TENT4B: variants seen among roughly 807,000 people sequenced by gnomAD.
TENT4B encodes the protein PAP associated domain containing 5.
In TENT4B, 10 loss-of-function variants were observed where a neutral mutation model predicts 75.0. The observed-to-expected ratio is 0.13, with a 90% CI of 0.08 to 0.23. TENT4B has a LOEUF of 0.23. Ranked by LOEUF, TENT4B falls within the 10% of genes least tolerant of loss-of-function variation. The pLI, the probability that TENT4B is intolerant of heterozygous loss-of-function variation, is 1.00. For synonymous variants in TENT4B, 350 were observed against 357.7 expected, an observed-to-expected ratio of 0.98 and a Z score of 0.24; for missense variants, 579 against 893.8, an observed-to-expected ratio of 0.65 and a Z score of 4.49.
chr16:50,153,771 C>T lies in TENT4B; in HGVS notation c.150C>T (p.Gly50=). The change falls in exon 1 of 12, where the codon GGC becomes GGT. Residue 50 remains glycine, a synonymous_variant. Coordinates refer to ENST00000561678, the MANE Select transcript of TENT4B (RefSeq NM_001365324.3). ...HSSGGASGGG[G]SSSSSSTATG... ...GCGGCGGCGCGAGCGGCGGCGGCGG[C>T]AGCAGCAGCAGCAGCAGCACGGCCA... 2 of 1,103,474 alleles carry T rather than the reference C, an allele frequency of 1.8e-6. No individual in the cohort carries two copies. Among genetic ancestry groups the T allele is most frequent in the Non-Finnish European group, 2.2e-6 (2 of 903,466 alleles). 68.4% of individuals were successfully genotyped at this position (1,103,474 alleles called of 1,614,324 possible).
rs982934409 is a variant in TENT4B at position 50,229,388 on chromosome 16, G to A, written c.*60G>A. The A allele has an allele frequency of 1.6e-5, 24 of 1,532,596 alleles. No individual in the cohort carries two copies. Among genetic ancestry groups the A allele is most frequent in the Non-Finnish European group, 2.1e-5 (24 of 1,145,302 alleles). 94.9% of individuals were successfully genotyped at this position (1,532,596 alleles called of 1,614,324 possible). ...ATGATCTCATGCTCAGGACAGTTGC[G>A]CAGGGACTCCTGGGAGATATTCAGG... is the stretch of plus-strand genomic sequence containing the variant. On this transcript the variant is annotated 3_prime_UTR_variant, in exon 12 of 12. Transcript: ENST00000561678.
chr16:50,214,950 CT>C (rs1045170383), intron 3 of TENT4B, among the ~76,000 whole-genome samples: 3 of 152,174 alleles, frequency 2.0e-5, no homozygotes, highest in Admixed American at 2.0e-4. Context: ...CTCACTCACT[CT>C]TACACTCACC....
chr16:50,223,866 CTT>C (rs1196016668), intron 7 of TENT4B, among the ~76,000 whole-genome samples: 2 of 152,170 alleles, frequency 1.3e-5, no homozygotes, highest in Non-Finnish European at 2.9e-5. Context: ...TTGCATGTCT[CTT>C]TGTGCTTTTT....
chr16:50,208,034 G>A (rs1305400628), intron 1 of TENT4B, among the ~76,000 whole-genome samples: 2 of 152,204 alleles, frequency 1.3e-5, no homozygotes, highest in African/African-American at 4.8e-5. Context: ...CACGTAGCTA[G>A]TTACATATAG....
At chr16:50,168,531 C>T (rs991253300) in intron 1 of TENT4B, among the ~76,000 whole-genome samples, 1 of 147,974 alleles carries the variant, frequency 6.8e-6, no homozygotes, top group African/African-American at 2.5e-5. Context: ...CCAGACTGGT[C>T]TCAAACTCCT....
rs2037810238 is a variant in TENT4B at position 50,153,370 on chromosome 16, C to CGGAGGGGCGGAGGGGCGGAG, written c.-244_-225dup. Among the ~76,000 whole-genome samples the CGGAGGGGCGGAGGGGCGGAG allele has an allele frequency of 1.5e-4, 5 of 34,384 alleles. No individual in the cohort carries two copies. Among genetic ancestry groups the CGGAGGGGCGGAGGGGCGGAG allele is most frequent in the Admixed American group, 7.3e-4 (2 of 2,738 alleles). 22.6% of individuals were successfully genotyped at this position (34,384 alleles called of 152,430 possible). ...GGGGACCCCAGTGACAGGGGCTCGG[C>CGGAGGGGCGGAGGGGCGGAG]GGAGGGGCGGAGGGGCGGAGGGAGG... On this transcript the variant is annotated 5_prime_UTR_variant, in exon 1 of 12. Transcript: ENST00000561678.
At position 50,233,654 on chromosome 16, in the gene TENT4B, A is replaced by C; in HGVS notation, c.*4326A>C. ...GACAGTTTTTAGTTAATAAACTGCT[A>C]ATGTTTATTTTACTGTCTCTCAGGT... On this transcript the variant is annotated 3_prime_UTR_variant, in exon 12 of 12. Transcript: ENST00000561678. 1.0e-6 allele frequency: 1 copy of C among 982,826 alleles called. No homozygotes were observed. The highest frequency in any genetic ancestry group is 1.2e-6 in the Non-Finnish European group (1 of 827,948). 60.9% of individuals were successfully genotyped at this position (982,826 alleles called of 1,614,324 possible). A position where few individuals can be genotyped will look rare whatever the true frequency, so the allele number is the denominator to read the frequency against.
chr16:50,180,581 TGCCTGTGGTCCCA>T (rs1442866668), intron 1 of TENT4B, among the ~76,000 whole-genome samples: 5 of 152,146 alleles, frequency 3.3e-5, no homozygotes, highest in Admixed American at 3.3e-4. Context: ...TGATGGCATG[TGCCTGTGGTCCCA>T]GCTACTCTGG....
chr16:50,188,677 A>G (rs10521194), intron 1 of TENT4B, among the ~76,000 whole-genome samples: 2,332 of 152,250 alleles, frequency 0.015, 30 homozygotes, highest in Middle Eastern at 0.058. Context: ...CTGCTTGTAC[A>G]TTTAATTTTT....
intron 1 of TENT4B, among the ~76,000 whole-genome samples, chr16:50,201,520 G>C (rs2030648473): frequency 1.3e-5 from 2 of 150,570 alleles, no homozygotes; most frequent in African/African-American, 2.5e-5. Context: ...CTTGGCGATA[G>C]AGCAAGACTC....
At chr16:50,216,804 C>CT (rs2031581126) in intron 4 of TENT4B, among the ~76,000 whole-genome samples, 1 of 148,256 alleles carries the variant, frequency 6.7e-6, no homozygotes, top group African/African-American at 2.6e-5. Context: ...AAGGCGCACC[C>CT]TACCACGCCC....
At position 50,231,952 on chromosome 16, in the gene TENT4B, A is replaced by T. The variant is rs1182935769; in HGVS notation, c.*2624A>T. The T allele has an allele frequency of 1.0e-6, 1 of 980,014 alleles. No homozygotes were observed. The highest frequency in any genetic ancestry group is 6.2e-5 in the Admixed American group (1 of 16,252). 60.7% of individuals were successfully genotyped at this position (980,014 alleles called of 1,614,324 possible). A position where few individuals can be genotyped will look rare whatever the true frequency, so the allele number is the denominator to read the frequency against. ...CAGAAATGTGTCATTTATATATTAG[A>T]GTCCATTCATATCCATGAATCATAA... On this transcript the variant is annotated 3_prime_UTR_variant, in exon 12 of 12. Coordinates refer to ENST00000561678, the MANE Select transcript of TENT4B (RefSeq NM_001365324.3).
At position 50,230,799 on chromosome 16, in the gene TENT4B, A is replaced by G; in HGVS notation, c.*1471A>G. ...TGAAACTCAGTTGGGAATATTTAAT[A>G]TAATAGAATGTAAGTGACATTTCTG... is the stretch of plus-strand genomic sequence containing the variant. On this transcript the variant is annotated 3_prime_UTR_variant, in exon 12 of 12. Transcript: ENST00000561678. The G allele has an allele frequency of 1.0e-6, 1 of 985,638 alleles. No individual in the cohort carries two copies. The highest frequency in any genetic ancestry group is 1.2e-6 in the Non-Finnish European group (1 of 829,732). The allele number at this position is 985,638 out of a possible 1,614,324, so 61.1% of individuals were successfully genotyped here.
intron 1 of TENT4B, among the ~76,000 whole-genome samples, chr16:50,192,568 T>G (rs1315789874): frequency 1.3e-5 from 2 of 152,190 alleles, no homozygotes; most frequent in Non-Finnish European, 2.9e-5. Flanking sequence ...TTATGGAGCC[T>G]GTGTATTACC....
chr16:50,174,742 C>CTTTTTT (rs35242106), intron 1 of TENT4B, among the ~76,000 whole-genome samples: 3 of 75,824 alleles, frequency 4.0e-5, no homozygotes, highest in Non-Finnish European at 2.7e-5. Context: ...CTCCCCTACT[C>CTTTTTT]TTTTTTTTTT....
At chr16:50,174,043 TC>T (rs1239408001) in intron 1 of TENT4B, among the ~76,000 whole-genome samples, 1 of 152,148 alleles carries the variant, frequency 6.6e-6, no homozygotes, top group Non-Finnish European at 1.5e-5. Context: ...AAGTATCTGT[TC>T]TGATCTTTTG....
At chr16:50,168,269 A>G (rs1422414247) in intron 1 of TENT4B, among the ~76,000 whole-genome samples, 1 of 151,672 alleles carries the variant, frequency 6.6e-6, no homozygotes, top group African/African-American at 2.4e-5. Context: ...TTTCTTATTA[A>G]TTTGTAAGAG....
At chr16:50,190,883 C>T (rs972417004) in intron 1 of TENT4B, among the ~76,000 whole-genome samples, 2 of 152,020 alleles carry the variant, frequency 1.3e-5, no homozygotes, top group Non-Finnish European at 2.9e-5. Context: ...TCCTCCAGCC[C>T]TGGCAGCCAC....
chr16:50,222,507 G>GA, intron 6 of TENT4B, 73 bp downstream of exon 6: 5 of 1,514,112 alleles, frequency 3.3e-6, no homozygotes, highest in Admixed American at 4.4e-5. Context: ...AAACATTTTG[G>GA]AAAAAATCGA....
Sources: allele counts gnomAD v4.1 joint callset (sites outside exome capture counted in the v4.1 genomes callset), GRCh38; gene constraint gnomAD v4.1.1; transcripts MANE v1.5; gene names NCBI Gene and HGNC (gene_info 2026-07-23, HGNC 2026-07-21).